Variants in BANK1 observed in about 807,000 individuals in gnomAD.
The protein encoded by BANK1 is B-cell scaffold protein with ankyrin repeats.
A neutral mutation model predicts 94.5 loss-of-function variants in BANK1; 95 were observed. The observed-to-expected ratio is 1.00, with a 90% CI of 0.85 to 1.19. BANK1 has a LOEUF of 1.19. Ranked by LOEUF, BANK1 falls within the 50% of genes most tolerant of loss-of-function variation. The probability of loss-of-function intolerance (pLI) is 0.00; values close to 1 mark genes in which losing one functional copy is unlikely to be tolerated. For synonymous variants in BANK1, 334 were observed against 308.4 expected (o/e 1.08, Z -0.87); for missense variants, 987 against 932.2 (o/e 1.06, Z -0.77).
At chr4:101,921,817 A>C (rs1268768372) in intron 7 of BANK1, among the ~76,000 whole-genome samples, 1 of 151,730 alleles carries the variant, frequency 6.6e-6, no homozygotes, top group South Asian at 2.1e-4. Context: ...TAAGTTGTTA[A>C]TTATAAATAT....
chr4:101,946,394 T>A (rs566492686), intron 7 of BANK1, among the ~76,000 whole-genome samples: 1 of 152,086 alleles, frequency 6.6e-6, no homozygotes, highest in South Asian at 2.1e-4. Flanking sequence ...CTTAATCCTA[T>A]GTTTGGGAAA....
intron 12 of BANK1, 127 bp downstream of exon 12, chr4:102,060,516 A>G: frequency 1.0e-6 from 1 of 998,558 alleles, no homozygotes; most frequent in Non-Finnish European, 1.4e-6. Context: ...TAAGGAAGAT[A>G]CTTCAAGAAA....
In BANK1 at chr4:101,898,917, A is replaced by G. The variant is rs1025079209; in HGVS notation, c.1009+3507A>G. Among the ~76,000 whole-genome samples the G allele has an allele frequency of 2.0e-5, 3 of 152,122 alleles. No individual in the cohort carries two copies. In the East Asian group the frequency reaches 5.8e-4, roughly 29 times the overall value. On this transcript the variant is annotated intron_variant, in intron 6 of 16. Transcript: ENST00000322953. ...TAATATTGGGATGAAACCAAATATT[A>G]TATAATGTATCATGGCTCTACAGAG...
chr4:101,947,322 T>TATATATG, intron 7 of BANK1, among the ~76,000 whole-genome samples: 1 of 141,488 alleles, frequency 7.1e-6, no homozygotes, highest in Non-Finnish European at 1.6e-5. Context: ...TGTATATGTA[T>TATATATG]TATGTATTAT....
At chr4:102,016,197 T>C (rs1403938907) in intron 7 of BANK1, among the ~76,000 whole-genome samples, 1 of 152,204 alleles carries the variant, frequency 6.6e-6, no homozygotes, top group Non-Finnish European at 1.5e-5. Flanking sequence ...CATGTTTCTA[T>C]CTTATAGTAT....
At chr4:101,911,277 A>C (rs1722654331) in intron 6 of BANK1, among the ~76,000 whole-genome samples, 3 of 152,170 alleles carry the variant, frequency 2.0e-5, no homozygotes, top group Non-Finnish European at 4.4e-5. Flanking sequence ...GTCAGAGGAA[A>C]CTTTACAGGG....
At chr4:102,022,881 AT>A (rs1437633089) in intron 8 of BANK1, among the ~76,000 whole-genome samples, 1 of 152,150 alleles carries the variant, frequency 6.6e-6, no homozygotes, top group Non-Finnish European at 1.5e-5. Context: ...GCCTCAGGGC[AT>A]TTGCACTTTC....
At chr4:101,879,239 T>C (rs1321050873) in intron 5 of BANK1, among the ~76,000 whole-genome samples, 3 of 151,832 alleles carry the variant, frequency 2.0e-5, no homozygotes, top group African/African-American at 7.2e-5. Flanking sequence ...GAGAAGATAC[T>C]AATAAATAAA....
intron 7 of BANK1, among the ~76,000 whole-genome samples, chr4:101,978,824 C>T (rs1202200273): frequency 6.6e-6 from 1 of 151,840 alleles, no homozygotes; most frequent in African/African-American, 2.4e-5. Context: ...GTAGAAACAC[C>T]AAATTTATGT....
At chr4:101,929,888 A>G (rs1723286459) in intron 7 of BANK1, among the ~76,000 whole-genome samples, 1 of 151,516 alleles carries the variant, frequency 6.6e-6, no homozygotes, top group Non-Finnish European at 1.5e-5. Flanking sequence ...GTCTAGTTAC[A>G]AGAAATAATG....
rs1725523348 is a variant in BANK1, at chr4:101,986,916, T to C, written c.1207-34598T>C. ...GTGTGTGTGTATATATATATATATA[T>C]ATATATATATATATAGTAGGCTTGC... On this transcript the variant is annotated intron_variant, in intron 7 of 16. Coordinates refer to ENST00000322953, the MANE Select transcript of BANK1 (RefSeq NM_017935.5). Among the ~76,000 whole-genome samples, 2 of 133,074 alleles carry C rather than the reference T, an allele frequency of 1.5e-5. 1 individual carries two copies. The highest frequency in any genetic ancestry group is 4.8e-4 in the South Asian group (2 of 4,198). 87.3% of individuals were successfully genotyped at this position (133,074 alleles called of 152,430 possible).
chr4:101,947,706 C>A (rs1186125458), intron 7 of BANK1, among the ~76,000 whole-genome samples: 2 of 151,642 alleles, frequency 1.3e-5, no homozygotes, highest in Non-Finnish European at 1.5e-5. Context: ...TGTTAATATC[C>A]AGTCTTCTGA....
At chr4:101,839,937 A>ATTTATTTATTTATTTTTTTTTTTTTTTT (rs1726969190) in intron 2 of BANK1, among the ~76,000 whole-genome samples, 1 of 53,036 alleles carries the variant, frequency 1.9e-5, no homozygotes, top group African/African-American at 7.5e-5. Context: ...CAAATATTTA[A>ATTTATTTATTTATTTTTTTTTTTTTTTT]TTTTTTTTTT....
chr4:102,030,414 A>G (rs1002245394), intron 10 of BANK1, 149 bp downstream of exon 10: 10 of 698,218 alleles, frequency 1.4e-5, no homozygotes, highest in Non-Finnish European at 2.3e-5. Context: ...ATACTGGCTC[A>G]TTTTTTTTCC....
intron 1 of BANK1, among the ~76,000 whole-genome samples, chr4:101,808,306 T>C (rs34851381): frequency 0.28 from 41,848 of 151,932 alleles, 5,996 homozygotes; most frequent in Non-Finnish European, 0.32. Context: ...GAAAAATATG[T>C]AATATAAAAT....
chr4:101,959,537 G>C (rs1724492883), intron 7 of BANK1, among the ~76,000 whole-genome samples: 1 of 152,208 alleles, frequency 6.6e-6, no homozygotes. Context: ...GCATGAAAAT[G>C]CCAAGGCAAG....
intron 1 of BANK1, among the ~76,000 whole-genome samples, chr4:101,825,285 G>T (rs1726320807): frequency 6.6e-6 from 1 of 152,058 alleles, no homozygotes; most frequent in Admixed American, 6.6e-5. Flanking sequence ...TAAATGGGGA[G>T]AATTACTTAG....
At chr4:102,062,566 T>G (rs1221633499) in intron 12 of BANK1, 1 of 152,390 alleles carries the variant, frequency 6.6e-6, no homozygotes, top group East Asian at 1.9e-4. Context: ...ACAGATGTGC[T>G]AAGAAGAGGA....
At chr4:101,817,753 C>T (rs74436021) in intron 1 of BANK1, among the ~76,000 whole-genome samples, 4,618 of 152,148 alleles carry the variant, frequency 0.03, 246 homozygotes, top group African/African-American at 0.11. Flanking sequence ...TTAAAGGAAG[C>T]TTGTGCAACC....
Sources: gnomAD v4.1 joint callset for allele counts (sites outside exome capture counted in the v4.1 genomes callset) on GRCh38, gnomAD v4.1.1 for gene constraint, MANE v1.5 for transcripts, NCBI Gene and HGNC (gene_info 2026-07-23, HGNC 2026-07-21) for gene names.